Variants in LSM12 observed in about 807,000 individuals in gnomAD.
LSM12 encodes the protein protein LSM12.
For missense variants in LSM12, 108 were observed against 238.9 expected (o/e 0.45, Z 3.61); for synonymous variants, 74 against 87.3 (o/e 0.85, Z 0.85).
rs1320495937 is a variant in LSM12, at chr17:44,036,115, T to C, written c.*93A>G. On this transcript the variant is annotated 3_prime_UTR_variant, in exon 5 of 5. Coordinates refer to ENST00000293406, the MANE Select transcript of LSM12 (RefSeq NM_001371445.1). ...CTTTGTTAAGAGCCAACAGGACATA[T>C]AGGATCCCTTCCCTCCCCCGGCCTG... 50 of 1,170,822 alleles carry C rather than the reference T, an allele frequency of 4.3e-5. No homozygotes were observed. Among genetic ancestry groups the C allele is most frequent in the Admixed American group, 8.7e-5 (4 of 46,136 alleles). 72.5% of individuals were successfully genotyped at this position (1,170,822 alleles called of 1,614,324 possible). A position where few individuals can be genotyped will look rare whatever the true frequency, so the allele number is the denominator to read the frequency against.
chr17:44,063,710 A>C (rs561580808), intron 2 of LSM12, 91 bp downstream of exon 2: 12 of 1,355,896 alleles, frequency 8.9e-6, no homozygotes, highest in Admixed American at 2.6e-5. Context: ...ATTTTAAAAA[A>C]TAAAAAATAG....
chr17:44,037,200 G>A (rs2049427361), intron 4 of LSM12: 1 of 459,836 alleles, frequency 2.2e-6, no homozygotes, highest in Non-Finnish European at 3.7e-6. Flanking sequence ...AAGGACATAG[G>A]GTCACCCACT....
chr17:44,064,975 T>C (rs1375199827), intron 1 of LSM12, among the ~76,000 whole-genome samples: 1 of 140,578 alleles, frequency 7.1e-6, no homozygotes, highest in Non-Finnish European at 1.6e-5. Flanking sequence ...CTACTAAAAA[T>C]ACAAAAAATT....
intron 2 of LSM12, among the ~76,000 whole-genome samples, chr17:44,056,181 G>C (rs1026796607): frequency 4.6e-5 from 7 of 151,882 alleles, no homozygotes; most frequent in African/African-American, 7.3e-5. Flanking sequence ...GCTGAGGTAG[G>C]AGAATTGGGA....
intron 2 of LSM12, among the ~76,000 whole-genome samples, chr17:44,051,098 C>T (rs1199340940): frequency 6.6e-6 from 1 of 151,858 alleles, no homozygotes; most frequent in African/African-American, 2.4e-5. Flanking sequence ...ATAGTGAAAC[C>T]CCCTCTCTAC....
At chr17:44,040,972 C>A (rs535047235) in intron 2 of LSM12, among the ~76,000 whole-genome samples, 1 of 151,766 alleles carries the variant, frequency 6.6e-6, no homozygotes, top group Non-Finnish European at 1.5e-5. Context: ...CAGAGCAAGA[C>A]TCCGTCTCAA....
intron 1 of LSM12, among the ~76,000 whole-genome samples, chr17:44,065,839 C>T (rs937989060): frequency 1.1e-4 from 16 of 151,924 alleles, no homozygotes; most frequent in Non-Finnish European, 1.8e-4. Context: ...TCCAAATGAC[C>T]GAGAAGCCTA....
At chr17:44,064,750 A>T (rs1039752901) in intron 1 of LSM12, among the ~76,000 whole-genome samples, 2 of 151,446 alleles carry the variant, frequency 1.3e-5, no homozygotes, top group Admixed American at 6.6e-5. Context: ...AAAAAAAAAA[A>T]GTAATTCCTA....
intron 4 of LSM12, 142 bp from the exon 5 acceptor site, chr17:44,036,442 G>C: frequency 9.2e-7 from 1 of 1,086,964 alleles, no homozygotes; most frequent in Non-Finnish European, 1.3e-6. Context: ...CTGTCTATTG[G>C]CCTTCCCAAC....
At chr17:44,040,046 C>T in intron 3 of LSM12, 101 bp downstream of exon 3, 1 of 806,468 alleles carries the variant, frequency 1.2e-6, no homozygotes. Flanking sequence ...CCAGCTTCCC[C>T]AGTAGACTTT....
intron 2 of LSM12, among the ~76,000 whole-genome samples, chr17:44,042,500 A>G (rs1284689176): frequency 4.0e-5 from 6 of 149,584 alleles, no homozygotes; most frequent in Admixed American, 3.3e-4. Flanking sequence ...CCTGGGTTCA[A>G]GCGATTCTCC....
At chr17:44,066,339 G>C (rs908232502) in intron 1 of LSM12, 125 bp downstream of exon 1, 13 of 1,289,466 alleles carry the variant, frequency 1.0e-5, no homozygotes, top group African/African-American at 1.6e-5. Flanking sequence ...CATGCGCCCC[G>C]GGCGCCGCGG....
rs1247967680 is a variant in LSM12 at position 44,034,890 on chromosome 17, G to A, written c.*1318C>T. 1 of 66,334 alleles carries A rather than the reference G, an allele frequency of 1.5e-5. No individual in the cohort carries two copies. The highest frequency in any genetic ancestry group is 1.8e-4 in the Admixed American group (1 of 5,568). The allele number at this position is 66,334 out of a possible 1,614,324, so 4.1% of individuals were successfully genotyped here. A position where few individuals can be genotyped will look rare whatever the true frequency, so the allele number is the denominator to read the frequency against. The stretch of plus-strand genomic sequence containing the variant: ...TCGGATGGTGGCATACTCTGCCCCA[G>A]GAGACTGCCTGAAGGCACGGGGCAA... On this transcript the variant is annotated 3_prime_UTR_variant, in exon 5 of 5. Coordinates refer to ENST00000293406, the MANE Select transcript of LSM12 (RefSeq NM_001371445.1).
Position 44,066,568 on chromosome 17 carries a change from T to G in LSM12, c.20A>C (p.Glu7Ala). 2 of 1,479,194 alleles carry G rather than the reference T, an allele frequency of 1.4e-6. No homozygotes were observed. Among genetic ancestry groups the G allele is most frequent in the African/African-American group, 1.5e-5 (1 of 68,272 alleles). 91.6% of individuals were successfully genotyped at this position (1,479,194 alleles called of 1,614,324 possible). MAAPPG[E>A]YFSVGSQVSC... ...CACCTGGCTCCCAACGCTGAAGTACTCGCCCGGAGGAGCCGCCATCTTGGG... is the reference window on the plus strand; with the variant it reads ...CACCTGGCTCCCAACGCTGAAGTACGCGCCCGGAGGAGCCGCCATCTTGGG... The change falls in exon 1 of 5, where the codon GAG becomes GCG. Residue 7 changes from glutamate to alanine, a missense_variant. By Grantham distance (107) the Glu-to-Ala change is moderately radical (BLOSUM62 -1). Coordinates refer to ENST00000293406, the MANE Select transcript of LSM12 (RefSeq NM_001371445.1).
At position 44,040,356 on chromosome 17, in the gene LSM12, T is replaced by C. The variant is rs754798694; in HGVS notation, c.259-100A>G. ...AAGAAAGGAGGCCAGGAAAGACTTG[T>C]TTGGACAGATTCTGTTTTCTCAGAA... On this transcript the variant is annotated intron_variant, in intron 2 of 4. Transcript: ENST00000293406. The C allele has an allele frequency of 4.7e-5, 38 of 802,276 alleles. No homozygotes were observed. In the Middle Eastern group the frequency reaches 2.5e-3, roughly 53 times the overall value. 49.7% of individuals were successfully genotyped at this position (802,276 alleles called of 1,614,324 possible).
At chr17:44,036,359 A>G in intron 4 of LSM12, 59 bp from the exon 5 acceptor site, 1 of 1,607,822 alleles carries the variant, frequency 6.2e-7, no homozygotes, top group East Asian at 2.2e-5. Context: ...GGTCTCCCAA[A>G]CAATCCAACC....
intron 1 of LSM12, among the ~76,000 whole-genome samples, chr17:44,064,387 C>T (rs1051536112): frequency 6.6e-6 from 1 of 152,222 alleles, no homozygotes; most frequent in Non-Finnish European, 1.5e-5. Flanking sequence ...CATTCATTCA[C>T]AAACTCATTC....
chr17:44,060,453 G>A (rs975766845), intron 2 of LSM12, among the ~76,000 whole-genome samples: 8 of 152,144 alleles, frequency 5.3e-5, no homozygotes, highest in Admixed American at 3.3e-4. Context: ...AAAAGGAATC[G>A]CAAAGCATCC....
At chr17:44,060,350 T>C (rs1039227904) in intron 2 of LSM12, among the ~76,000 whole-genome samples, 6 of 152,102 alleles carry the variant, frequency 3.9e-5, no homozygotes, top group African/African-American at 1.2e-4. Context: ...GACTAACTTT[T>C]CACGTCATTC....
Sources: gnomAD v4.1 joint callset for allele counts (sites outside exome capture counted in the v4.1 genomes callset) on GRCh38, gnomAD v4.1.1 for gene constraint, MANE v1.5 for transcripts, NCBI Gene and HGNC (gene_info 2026-07-23, HGNC 2026-07-21) for gene names.